DOP1B: variants seen among roughly 807,000 people sequenced by gnomAD.
The protein encoded by DOP1B is protein DOP1B.
Under a neutral mutation model 233.5 loss-of-function variants are expected in DOP1B, and 174 were observed. The observed-to-expected ratio is 0.75, with a 90% confidence interval of 0.66 to 0.85. DOP1B has a LOEUF of 0.85. DOP1B is among the 40% of genes least tolerant of loss of function. The pLI is 0.00. For missense variants in DOP1B, 2,652 were observed against 2,846.6 expected (o/e 0.93, Z 1.56); for synonymous variants, 1,190 against 1,185.6 (o/e 1.00, Z -0.08).
rs762451256 is a variant in DOP1B, at chr21:36,200,397, C to G, written c.387C>G (p.Tyr129Ter). ...TGAGGCCGGTGCTGCTCACCCTGTA[C>G]GAGAAGTACTTCCTCCCACTGCAGA... is the stretch of plus-strand genomic sequence containing the variant. ...VSVRPVLLTL[Y>*]EKYFLPLQKL... Residue 129 changes from tyrosine to a stop codon, truncating the protein, a stop_gained, in exon 4 of 37, where the codon TAC (tyrosine) becomes TAG (stop). Transcript: ENST00000691173. LOFTEE classifies it high-confidence loss of function. 12 of 1,613,672 alleles carry G rather than the reference C, an allele frequency of 7.4e-6. No homozygotes were observed. Among genetic ancestry groups the G allele is most frequent in the South Asian group, 1.1e-5 (1 of 91,074 alleles).
At chr21:36,287,732 G>A (rs1390481490) in intron 32 of DOP1B, among the ~76,000 whole-genome samples, 3 of 151,626 alleles carry the variant, frequency 2.0e-5, no homozygotes, top group Admixed American at 6.6e-5. Flanking sequence ...GACTACAGGC[G>A]CCCACCACCA....
chr21:36,210,139 A>T (rs1020759660), intron 5 of DOP1B, among the ~76,000 whole-genome samples: 1 of 149,110 alleles, frequency 6.7e-6, no homozygotes, highest in African/African-American at 2.6e-5. Flanking sequence ...GTTTCTTCCC[A>T]TCCCAAATCT....
intron 22 of DOP1B, among the ~76,000 whole-genome samples, chr21:36,252,964 A>G (rs967573066): frequency 9.3e-5 from 14 of 150,822 alleles, no homozygotes; most frequent in Admixed American, 4.6e-4. Context: ...CCTCCTTGAC[A>G]CTCCCCCAGT....
chr21:36,225,713 T>A, intron 12 of DOP1B, 46 bp downstream of exon 12: 5 of 1,587,630 alleles, frequency 3.1e-6, no homozygotes, highest in Non-Finnish European at 3.5e-6. Context: ...ATTATTTACA[T>A]TCTTACTGGT....
At chr21:36,198,822 C>T (rs145300891) in intron 2 of DOP1B, among the ~76,000 whole-genome samples, 474 of 152,344 alleles carry the variant, frequency 3.1e-3, no homozygotes, top group Middle Eastern at 0.024. Flanking sequence ...TCACCCATCA[C>T]GGGCTCAGAG....
At chr21:36,232,475 T>G (rs931062501) in intron 14 of DOP1B, among the ~76,000 whole-genome samples, 1 of 152,138 alleles carries the variant, frequency 6.6e-6, no homozygotes, top group Non-Finnish European at 1.5e-5. Context: ...CTTGGAGGGC[T>G]CCTCACCTTG....
intron 1 of DOP1B, among the ~76,000 whole-genome samples, chr21:36,158,908 AC>A (rs2065844967): frequency 6.6e-6 from 1 of 151,672 alleles, no homozygotes; most frequent in African/African-American, 2.4e-5. Context: ...TGGGCGGATC[AC>A]CTTACGTCAG....
chr21:36,277,147 C>T, intron 28 of DOP1B, 47 bp downstream of exon 28: 1 of 1,588,932 alleles, frequency 6.3e-7, no homozygotes, highest in Non-Finnish European at 8.6e-7. Context: ...TGAGCGCCAT[C>T]ACGAATTGTT....
At chr21:36,200,970 T>G (rs903318515) in intron 4 of DOP1B, among the ~76,000 whole-genome samples, 10 of 152,174 alleles carry the variant, frequency 6.6e-5, no homozygotes, top group African/African-American at 1.7e-4. Context: ...ATCTCTCTTG[T>G]CTCTTTACCA....
chr21:36,173,711 C>T (rs766938052), intron 2 of DOP1B, among the ~76,000 whole-genome samples: 19 of 152,172 alleles, frequency 1.2e-4, no homozygotes, highest in Non-Finnish European at 2.2e-4. Flanking sequence ...GCGTGAGCCG[C>T]CGCGCCCGGC....
At chr21:36,247,667 T>C (rs1305623092) in intron 20 of DOP1B, 39 bp downstream of exon 20, 3 of 1,427,010 alleles carry the variant, frequency 2.1e-6, no homozygotes, top group South Asian at 2.5e-5. Context: ...GCAATTTTCA[T>C]GTATTGTTTT....
At chr21:36,228,774 T>TAAATAAAATAAAATA (rs200418493) in intron 13 of DOP1B, among the ~76,000 whole-genome samples, 12 of 140,462 alleles carry the variant, frequency 8.5e-5, no homozygotes, top group African/African-American at 2.6e-4. Context: ...TCAAAATAAA[T>TAAATAAAATAAAATA]AAATAAAATA....
intron 2 of DOP1B, among the ~76,000 whole-genome samples, chr21:36,175,528 A>G (rs1297638747): frequency 6.6e-6 from 1 of 151,488 alleles, no homozygotes; most frequent in East Asian, 2.0e-4. Flanking sequence ...ATGGTGGCTC[A>G]TGCTTGTAAT....
rs542108971 is a variant in DOP1B, at chr21:36,159,418, T to A, written c.-27+2475T>A. 4.6e-5 allele frequency among the ~76,000 whole-genome samples: 7 copies of A among 151,898 alleles called. No homozygotes were observed. In the South Asian group the frequency reaches 1.3e-3, roughly 27 times the overall value. ...GTGAGTTGAGATCGCGCCATTGCAC[T>A]CCAGCCCGGTCAACAAGAGCGAAAC... On this transcript the variant is annotated intron_variant, in intron 1 of 36. Transcript: ENST00000691173.
chr21:36,178,608 G>T (rs1387219679), intron 2 of DOP1B, among the ~76,000 whole-genome samples: 2 of 152,122 alleles, frequency 1.3e-5, no homozygotes, highest in African/African-American at 4.8e-5. Context: ...TGTTGTTTAA[G>T]CCGCCCACTC....
chr21:36,283,061 G>T (rs1243222746), intron 32 of DOP1B, among the ~76,000 whole-genome samples: 23 of 149,906 alleles, frequency 1.5e-4, no homozygotes, highest in African/African-American at 4.9e-4. Context: ...ATGTTCAGGT[G>T]GCAAAGTTGA....
chr21:36,238,191 A>C, intron 16 of DOP1B, among the ~76,000 whole-genome samples: 1 of 152,294 alleles, frequency 6.6e-6, no homozygotes, highest in East Asian at 1.9e-4. Flanking sequence ...TAAAAATAAT[A>C]ATAAACCAAT....
Position 36,230,810 on chromosome 21 carries a change from T to C in DOP1B, c.2026T>C (p.Ser676Pro). The part of the protein sequence containing the change: ...DGTQSLAAND[S>P]SRKNSWEPKP... ...GACGCAGAGCCTGGCAGCCAATGAT[T>C]CCAGCAGGAAGAACTCTTGGGAGCC... Residue 676 changes from serine (S) to proline (P), a missense_variant, in exon 14 of 37, where the codon TCC becomes CCC. Physicochemically the swap from Ser to Pro is moderately conservative, Grantham distance 74 (BLOSUM62 -1). Transcript: ENST00000691173. 5 of 1,614,090 alleles carry C rather than the reference T, an allele frequency of 3.1e-6. No individual in the cohort carries two copies. Among genetic ancestry groups the C allele is most frequent in the Non-Finnish European group, 4.2e-6 (5 of 1,179,988 alleles).
Position 36,277,061 on chromosome 21 carries a change from G to C in DOP1B, c.5673G>C (p.Pro1891=). ...CAGCAATGGTGTCTTCATCCGCCCC[G>C]TCGGTGTACAGCGTGCAAGCCCTCT... ...AASAMVSSSA[P]SVYSVQALSL... is the part of the protein sequence containing the mutation. The change falls in exon 28 of 37, where the codon CCG becomes CCC. Residue 1891 remains proline (P), a synonymous_variant. Transcript: ENST00000691173. The C allele has an allele frequency of 6.2e-7, 1 of 1,614,070 alleles. No individual in the cohort carries two copies. Among genetic ancestry groups the C allele is most frequent in the South Asian group, 1.1e-5 (1 of 91,074 alleles).
Sources: gnomAD v4.1 joint callset for allele counts (sites outside exome capture counted in the v4.1 genomes callset) on GRCh38, gnomAD v4.1.1 for gene constraint, MANE v1.5 for transcripts, NCBI Gene and HGNC (gene_info 2026-07-23, HGNC 2026-07-21) for gene names.